Variants in LDB2 observed in about 807,000 individuals in gnomAD.
LDB2 encodes the protein LIM domain-binding protein 2.
LDB2 carries 12 observed loss-of-function variants against 44.3 expected under a neutral mutation model. That is an observed-to-expected ratio of 0.27 (90% CI 0.17 to 0.44). LDB2 has a LOEUF of 0.44. Ranked by LOEUF, LDB2 falls within the 20% of genes least tolerant of loss-of-function variation. The pLI is 1.00. For synonymous variants in LDB2, 164 were observed against 174.8 expected, an observed-to-expected ratio of 0.94 and a Z score of 0.49; for missense variants, 344 against 473.5, an observed-to-expected ratio of 0.73 and a Z score of 2.54.
At chr4:16,775,488 G>A (rs930775644) in intron 1 of LDB2, among the ~76,000 whole-genome samples, 1 of 152,166 alleles carries the variant, frequency 6.6e-6, no homozygotes, top group Non-Finnish European at 1.5e-5. Context: ...GTGCTACTAT[G>A]AGAATTAAAT....
intron 5 of LDB2, among the ~76,000 whole-genome samples, chr4:16,515,420 AAAAT>A (rs1160420848): frequency 6.6e-6 from 1 of 152,204 alleles, no homozygotes; most frequent in African/African-American, 2.4e-5. Flanking sequence ...TCCTGAATCT[AAAAT>A]AAAAATTGTA....
At chr4:16,779,599 G>C (rs958817181) in intron 1 of LDB2, among the ~76,000 whole-genome samples, 2 of 152,202 alleles carry the variant, frequency 1.3e-5, no homozygotes, top group Non-Finnish European at 2.9e-5. Context: ...AGGAGACATG[G>C]CTGCGTCCTC....
intron 1 of LDB2, among the ~76,000 whole-genome samples, chr4:16,884,421 C>T (rs550933383): frequency 6.6e-5 from 10 of 152,230 alleles, no homozygotes; most frequent in Admixed American, 3.9e-4. Flanking sequence ...CTCCACAATT[C>T]GGCCCCTACT....
At chr4:16,657,081 T>G (rs889808314) in intron 2 of LDB2, among the ~76,000 whole-genome samples, 1 of 152,198 alleles carries the variant, frequency 6.6e-6, no homozygotes, top group East Asian at 1.9e-4. Flanking sequence ...ACAAAGCTGT[T>G]TGTTGGGTTG....
rs76012827 is a variant in LDB2 at position 16,849,801 on chromosome 4, C to T, written c.132+48553G>A. Among the ~76,000 whole-genome samples, 80 of 152,324 alleles carry T rather than the reference C, an allele frequency of 5.3e-4. 3 individuals carry two copies. In the East Asian group the frequency reaches 0.014, roughly 27 times the overall value. On this transcript the variant is annotated intron_variant, in intron 1 of 7. Coordinates refer to ENST00000304523, the MANE Select transcript of LDB2 (RefSeq NM_001290.5). ...CCTGGGTGGAGGGTTCTGCCCACTT[C>T]TGGAGGGTCAGCACCTTGAAGGCAG...
chr4:16,612,622 G>C (rs1725988030), intron 2 of LDB2, among the ~76,000 whole-genome samples: 1 of 152,122 alleles, frequency 6.6e-6, no homozygotes, highest in South Asian at 2.1e-4. Flanking sequence ...ATAAATTCCT[G>C]GATGCATACA....
chr4:16,679,079 ATTGT>A (rs1475629243), intron 2 of LDB2, among the ~76,000 whole-genome samples: 3 of 152,220 alleles, frequency 2.0e-5, no homozygotes, highest in African/African-American at 4.8e-5. Context: ...AAAATATGAA[ATTGT>A]TTGTTATTAA....
At chr4:16,691,584 T>A (rs1032487616) in intron 2 of LDB2, among the ~76,000 whole-genome samples, 1 of 152,180 alleles carries the variant, frequency 6.6e-6, no homozygotes, top group Non-Finnish European at 1.5e-5. Flanking sequence ...CATTGTTTCG[T>A]GCATGGAGGA....
At chr4:16,600,410 C>G (rs1217237646) in intron 2 of LDB2, among the ~76,000 whole-genome samples, 1 of 151,972 alleles carries the variant, frequency 6.6e-6, no homozygotes, top group African/African-American at 2.4e-5. Flanking sequence ...ACATTTAGAT[C>G]AAAGGTCCAA....
intron 1 of LDB2, among the ~76,000 whole-genome samples, chr4:16,836,176 A>G (rs1784856461): frequency 1.3e-5 from 2 of 152,220 alleles, no homozygotes; most frequent in South Asian, 4.1e-4. Context: ...CATGGTGTGA[A>G]CCAAAGGTTG....
At chr4:16,734,481 A>T (rs112226261) in intron 2 of LDB2, among the ~76,000 whole-genome samples, 136 of 152,280 alleles carry the variant, frequency 8.9e-4, no homozygotes, top group African/African-American at 3.2e-3. Context: ...ATGAGACTTC[A>T]TTAAAACAAA....
At chr4:16,641,576 G>A (rs185531495) in intron 2 of LDB2, among the ~76,000 whole-genome samples, 1 of 152,234 alleles carries the variant, frequency 6.6e-6, no homozygotes, top group East Asian at 1.9e-4. Flanking sequence ...GCAGGAGAGA[G>A]AAGTGAGAGG....
chr4:16,740,618 C>A (rs1312179493), intron 2 of LDB2, among the ~76,000 whole-genome samples: 1 of 152,216 alleles, frequency 6.6e-6, no homozygotes. Flanking sequence ...TAATAGAACT[C>A]ATGGACTTCT....
chr4:16,647,843 C>G (rs996013252), intron 2 of LDB2, among the ~76,000 whole-genome samples: 9 of 152,200 alleles, frequency 5.9e-5, no homozygotes, highest in African/African-American at 1.7e-4. Context: ...TTACCTGACT[C>G]TCAGGTCCTC....
At chr4:16,611,451 G>A (rs1053947522) in intron 2 of LDB2, among the ~76,000 whole-genome samples, 3 of 151,764 alleles carry the variant, frequency 2.0e-5, no homozygotes, top group Non-Finnish European at 4.4e-5. Context: ...CAATTAGTGC[G>A]CTGTATTCAG....
chr4:16,838,544 C>A (rs144604238), intron 1 of LDB2, among the ~76,000 whole-genome samples: 1 of 152,124 alleles, frequency 6.6e-6, no homozygotes, highest in Non-Finnish European at 1.5e-5. Context: ...TTAGGAAGTG[C>A]TATTGGGATG....
chr4:16,564,958 A>T (rs1743956561), intron 5 of LDB2, among the ~76,000 whole-genome samples: 1 of 152,270 alleles, frequency 6.6e-6, no homozygotes. Flanking sequence ...AAGAGGGAAT[A>T]TCAACTGAAT....
At chr4:16,863,420 A>G (rs1027255788) in intron 1 of LDB2, among the ~76,000 whole-genome samples, 5 of 152,184 alleles carry the variant, frequency 3.3e-5, no homozygotes, top group Non-Finnish European at 7.3e-5. Flanking sequence ...TTCTTTACTT[A>G]TCACCTCCAG....
chr4:16,594,726 T>C (rs1158316405), intron 3 of LDB2, among the ~76,000 whole-genome samples: 5 of 152,326 alleles, frequency 3.3e-5, no homozygotes, highest in Non-Finnish European at 4.4e-5. Context: ...GTTTTATACA[T>C]TGGGCTTCTG....
Sources: allele counts gnomAD v4.1 joint callset (sites outside exome capture counted in the v4.1 genomes callset), GRCh38; gene constraint gnomAD v4.1.1; transcripts MANE v1.5; gene names NCBI Gene and HGNC (gene_info 2026-07-23, HGNC 2026-07-21).